FKBP15: variants seen among roughly 807,000 people sequenced by gnomAD.
FKBP15 encodes FKBP prolyl isomerase family member 15.
A neutral mutation model predicts 158.1 loss-of-function variants in FKBP15; 106 were observed. That is an observed-to-expected ratio of 0.67 (90% CI 0.57 to 0.79). The LOEUF (loss-of-function observed/expected upper bound fraction) is 0.79. Among genes scored for constraint, FKBP15 ranks in the 30% least tolerant of loss-of-function variants. FKBP15 has a pLI of 0.00. For synonymous variants in FKBP15, 547 were observed against 548.6 expected, an observed-to-expected ratio of 1.00 and a Z score of 0.04; for missense variants, 1,287 against 1,479.1, an observed-to-expected ratio of 0.87 and a Z score of 2.13.
chr9:113,209,063 C>A (rs1447074439), intron 2 of FKBP15, among the ~76,000 whole-genome samples: 1 of 149,670 alleles, frequency 6.7e-6, no homozygotes, highest in Non-Finnish European at 1.5e-5. Flanking sequence ...TGTATTGCTA[C>A]TTTATTTATT....
rs1830338807 is a variant in FKBP15 at position 113,178,647 on chromosome 9, A to G, written c.2069T>C (p.Val690Ala). The G allele has an allele frequency of 6.2e-7, 1 of 1,609,752 alleles. No individual in the cohort carries two copies. The highest frequency in any genetic ancestry group is 1.7e-5 in the Admixed American group (1 of 59,588). ...TDLLRGQLTK[V>A]QAKLSELQET... ...GCACATACCTGAGAGCTTTGCCTGC[A>G]CTTTGGTGAGCTGGCCCCTGAGAAG... Residue 690 changes from valine (V) to alanine (A), a missense_variant, in exon 20 of 28, where the codon GTG becomes GCG. Transcript: ENST00000238256.
chr9:113,210,628 T>C (rs1227313016), intron 2 of FKBP15, among the ~76,000 whole-genome samples: 2 of 152,140 alleles, frequency 1.3e-5, no homozygotes, highest in Non-Finnish European at 2.9e-5. Context: ...CTTGATTGGA[T>C]TGAAGTACAC....
intron 19 of FKBP15, among the ~76,000 whole-genome samples, chr9:113,179,840 A>G (rs1830361989): frequency 6.6e-6 from 1 of 152,190 alleles, no homozygotes. Flanking sequence ...AGTATATGTA[A>G]CCTTTAGACT....
chr9:113,188,507 G>A lies in FKBP15; in HGVS notation c.1174-16C>T. Reference sequence around the variant, plus strand: ...TGTTCACATCCTGAAACAGGAACAAGCGTTTGGGTTACTCTGTACGGGGTC... The same window carrying A: ...TGTTCACATCCTGAAACAGGAACAAACGTTTGGGTTACTCTGTACGGGGTC... On this transcript the variant is annotated splice_polypyrimidine_tract_variant and intron_variant, in intron 12 of 27. Transcript: ENST00000238256. The A allele has an allele frequency of 6.2e-7, 1 of 1,607,366 alleles. No homozygotes were observed. The highest frequency in any genetic ancestry group is 8.5e-7 in the Non-Finnish European group (1 of 1,174,104).
chr9:113,218,632 A>G (rs1831193794), intron 1 of FKBP15, among the ~76,000 whole-genome samples: 1 of 152,092 alleles, frequency 6.6e-6, no homozygotes, highest in Admixed American at 6.6e-5. Context: ...ATTGACACGG[A>G]AGTTGACCTG....
At chr9:113,207,348 A>ATTTTTTTTTTTTTTTTTTTT in intron 2 of FKBP15, 52 bp from the exon 3 acceptor site, 2 of 1,393,626 alleles carry the variant, frequency 1.4e-6, no homozygotes, top group African/African-American at 1.6e-5. Flanking sequence ...CTTTAAACTA[A>ATTTTTTTTTTTTTTTTTTTT]TTTTTTTTAA....
At chr9:113,203,087 T>C in intron 4 of FKBP15, 52 bp from the exon 5 acceptor site, 1 of 1,211,734 alleles carries the variant, frequency 8.3e-7, no homozygotes, top group Non-Finnish European at 1.2e-6. Context: ...CAGCAGAAGT[T>C]AAAAGGCAAT....
chr9:113,196,011 TAC>T (rs1487869335), intron 9 of FKBP15, among the ~76,000 whole-genome samples: 1 of 146,314 alleles, frequency 6.8e-6, no homozygotes, highest in Non-Finnish European at 1.5e-5. Context: ...TATATACGTA[TAC>T]ACACAGACAC....
chr9:113,198,399 A>G lies in FKBP15; in HGVS notation c.717+456T>C, dbSNP rs1022764544. Among the ~76,000 whole-genome samples, 12 of 152,320 alleles carry G rather than the reference A, an allele frequency of 7.9e-5. No individual in the cohort carries two copies. The highest frequency in any genetic ancestry group is 2.9e-4 in the African/African-American group (12 of 41,572). On this transcript the variant is annotated intron_variant, in intron 8 of 27. Transcript: ENST00000238256. The surrounding 1 kb of genome is among the most constrained non-coding windows in gnomAD (Gnocchi z 5.2). Reference sequence around the variant, plus strand: ...AAAAATCTCCCAAATGCAATGTAACACATTTTCCCCTCGTATTCTTCATCC... The same window carrying G: ...AAAAATCTCCCAAATGCAATGTAACGCATTTTCCCCTCGTATTCTTCATCC...
In FKBP15 at chr9:113,161,163, A is replaced by AT. The variant is rs1411363189; in HGVS notation, c.*4914dup. ...GTGCTATTTATCTTTCCTTCCAGACATTTTTTGCATACTTACATATAAATA... is the reference window on the plus strand; with the variant it reads ...GTGCTATTTATCTTTCCTTCCAGACATTTTTTTGCATACTTACATATAAATA... On this transcript the variant is annotated 3_prime_UTR_variant, in exon 28 of 28. Coordinates refer to ENST00000238256, the MANE Select transcript of FKBP15 (RefSeq NM_015258.2). 1 of 216,784 alleles carries AT rather than the reference A, an allele frequency of 4.6e-6. No homozygotes were observed. Among genetic ancestry groups the AT allele is most frequent in the Non-Finnish European group, 8.9e-6 (1 of 111,926 alleles). 13.4% of individuals were successfully genotyped at this position (216,784 alleles called of 1,614,324 possible).
chr9:113,197,144 G>A (rs1335146787), intron 8 of FKBP15, 66 bp from the exon 9 acceptor site: 14 of 1,572,198 alleles, frequency 8.9e-6, no homozygotes, highest in Non-Finnish European at 9.5e-6. Context: ...GTGAAGTACA[G>A]GAGCAACAGG....
At chr9:113,220,965 A>T (rs973157429) in intron 1 of FKBP15, among the ~76,000 whole-genome samples, 2 of 152,200 alleles carry the variant, frequency 1.3e-5, no homozygotes, top group African/African-American at 4.8e-5. Context: ...AGGCAAACCC[A>T]GGGCTATCTT....
intron 1 of FKBP15, among the ~76,000 whole-genome samples, chr9:113,216,309 ATG>A (rs1351984123): frequency 6.6e-6 from 1 of 152,202 alleles, no homozygotes; most frequent in African/African-American, 2.4e-5. Flanking sequence ...AACAAGTTTT[ATG>A]TATAGAGAAA....
In FKBP15 at chr9:113,165,617, T is replaced by C. The variant is rs1830085425; in HGVS notation, c.*461A>G. ...AAGAAGAAGATACATGTCCCAGGAC[T>C]ATAGGCCAGGCTGTTGACTGCACTG... On this transcript the variant is annotated 3_prime_UTR_variant, in exon 28 of 28. Coordinates refer to ENST00000238256, the MANE Select transcript of FKBP15 (RefSeq NM_015258.2). The C allele has an allele frequency of 1.9e-5, 3 of 154,578 alleles. No individual in the cohort carries two copies. The highest frequency in any genetic ancestry group is 7.2e-5 in the African/African-American group (3 of 41,522). 9.6% of individuals were successfully genotyped at this position (154,578 alleles called of 1,614,324 possible).
chr9:113,175,518 C>T (rs556102094), intron 21 of FKBP15, among the ~76,000 whole-genome samples: 65 of 152,126 alleles, frequency 4.3e-4, no homozygotes, highest in Non-Finnish European at 7.8e-4. Flanking sequence ...CATATTTAAA[C>T]GATTCCAGAA....
rs929226000 is a variant in FKBP15 at position 113,164,908 on chromosome 9, C to T, written c.*1170G>A. Reference sequence around the variant, plus strand: ...AAGCAACAAAGAAATAATTAGTTCTCACTGCCTCCCAGGTCCGCACACGGG... The same window carrying T: ...AAGCAACAAAGAAATAATTAGTTCTTACTGCCTCCCAGGTCCGCACACGGG... On this transcript the variant is annotated 3_prime_UTR_variant, in exon 28 of 28. Transcript: ENST00000238256. 15 of 152,232 alleles carry T rather than the reference C, an allele frequency of 9.9e-5. No homozygotes were observed. Among genetic ancestry groups the T allele is most frequent in the African/African-American group, 3.1e-4 (13 of 41,458 alleles). 9.4% of individuals were successfully genotyped at this position (152,232 alleles called of 1,614,324 possible). A position where few individuals can be genotyped will look rare whatever the true frequency, so the allele number is the denominator to read the frequency against.
chr9:113,220,599 G>A (rs1055539213), intron 1 of FKBP15, among the ~76,000 whole-genome samples: 2 of 152,226 alleles, frequency 1.3e-5, no homozygotes, highest in East Asian at 3.8e-4. Flanking sequence ...CATGCTGCAT[G>A]CTAGACAGAA....
At position 113,178,816 on chromosome 9, in the gene FKBP15, A is replaced by G. The variant is rs1466350634; in HGVS notation, c.1915-15T>C. 1 of 1,592,974 alleles carries G rather than the reference A, an allele frequency of 6.3e-7. No individual in the cohort carries two copies. Among genetic ancestry groups the G allele is most frequent in the African/African-American group, 1.3e-5 (1 of 74,462 alleles). On this transcript the variant is annotated splice_polypyrimidine_tract_variant and intron_variant, in intron 19 of 27. Coordinates refer to ENST00000238256, the MANE Select transcript of FKBP15 (RefSeq NM_015258.2). ...GTCACCTTGGCCTGAATAATAACAA[A>G]GTATGATGTCACTTTAAACATAGGT...
In FKBP15 at chr9:113,198,830, TA is replaced by T; in HGVS notation, c.717+24del. 5 of 1,552,202 alleles carry T rather than the reference TA, an allele frequency of 3.2e-6. No homozygotes were observed. The highest frequency in any genetic ancestry group is 1.2e-5 in the South Asian group (1 of 84,480). ...AAACCCACTGCAACTGATAAAACCA[TA>T]AAAAAACACAGTTAAGCCTTTACCT... On this transcript the variant is annotated intron_variant, in intron 8 of 27. Transcript: ENST00000238256. The surrounding 1 kb of genome is among the most constrained non-coding windows in gnomAD (Gnocchi z 5.2).
Sources: allele counts gnomAD v4.1 joint callset (sites outside exome capture counted in the v4.1 genomes callset), GRCh38; gene constraint gnomAD v4.1.1; non-coding constraint Gnocchi (gnomAD v3.1); transcripts MANE v1.5; gene names NCBI Gene and HGNC (gene_info 2026-07-23, HGNC 2026-07-21).